Variants in LDLRAP1 observed in about 807,000 individuals in gnomAD.
LDLRAP1 encodes low density lipoprotein receptor adaptor protein 1.
A neutral mutation model predicts 37.8 loss-of-function variants in LDLRAP1; 30 were observed. The ratio of observed to expected loss-of-function variants is 0.79; its 90% CI spans 0.59 to 1.08. The LOEUF is 1.08. LDLRAP1 is among the 50% of genes least tolerant of loss of function. LDLRAP1 has a pLI of 0.00. For missense variants in LDLRAP1, 375 were observed against 401.6 expected, an observed-to-expected ratio of 0.93 and a Z score of 0.57; for synonymous variants, 156 against 169.8, an observed-to-expected ratio of 0.92 and a Z score of 0.63.
rs193283086 is a variant in LDLRAP1 at position 25,558,118 on chromosome 1, A to C, written c.459+851A>C. Among the ~76,000 whole-genome samples, 3 of 152,190 alleles carry C rather than the reference A, an allele frequency of 2.0e-5. No individual in the cohort carries two copies. In the East Asian group the frequency reaches 5.8e-4, roughly 29 times the overall value. On this transcript the variant is annotated intron_variant, in intron 4 of 8. Coordinates refer to ENST00000374338, the MANE Select transcript of LDLRAP1 (RefSeq NM_015627.3). ...TCCTGAATTTGGGGGCAAGAAGTGG[A>C]GTGGGTCAACCTTTGGCATTGCAGC...
chr1:25,556,174 A>G (rs1449651069), intron 3 of LDLRAP1, among the ~76,000 whole-genome samples: 1 of 152,006 alleles, frequency 6.6e-6, no homozygotes, highest in East Asian at 1.9e-4. Context: ...GGGTGAGTCT[A>G]TGGCGCTCCT....
At chr1:25,584,736 T>A in the LDLRAP1 span, among the ~76,000 whole-genome samples, 1 of 152,162 alleles carries the variant, frequency 6.6e-6, no homozygotes, top group African/African-American at 2.4e-5. Context: ...GGGCCAGTCT[T>A]GCCTTCTCGG....
chr1:25,554,609 T>C lies in LDLRAP1; in HGVS notation c.232-251T>C, dbSNP rs1174538465. On this transcript the variant is annotated intron_variant, in intron 2 of 8. Coordinates refer to ENST00000374338, the MANE Select transcript of LDLRAP1 (RefSeq NM_015627.3). The surrounding 1 kb of genome is among the most constrained non-coding windows in gnomAD (Gnocchi z 5.4). ...CCTTGGGTAAGTCCCTTAGCCTCTC[T>C]GAGTCCATCTCTGGGGAGAGGGAGG... Among the ~76,000 whole-genome samples, 1 of 152,244 alleles carries C rather than the reference T, an allele frequency of 6.6e-6. No individual in the cohort carries two copies. Among genetic ancestry groups the C allele is most frequent in the East Asian group, 1.9e-4 (1 of 5,194 alleles).
At chr1:25,553,390 G>C (rs1325984078) in intron 1 of LDLRAP1, 1 of 157,220 alleles carries the variant, frequency 6.4e-6, no homozygotes, top group Non-Finnish European at 1.4e-5. Context: ...CTGGCTCTCT[G>C]GACTTGGTTA....
At position 25,565,159 on chromosome 1, in the gene LDLRAP1, T is replaced by A; in HGVS notation, c.748-14T>A. The A allele has an allele frequency of 6.2e-7, 1 of 1,614,016 alleles. No homozygotes were observed. Among genetic ancestry groups the A allele is most frequent in the African/African-American group, 1.3e-5 (1 of 75,062 alleles). ...CCAAACATAGTTCTTATCTCCTGCTTTGTTTTCCCCAAGGAGCTGGATGAT... is the reference window on the plus strand; with the variant it reads ...CCAAACATAGTTCTTATCTCCTGCTATGTTTTCCCCAAGGAGCTGGATGAT... On this transcript the variant is annotated splice_polypyrimidine_tract_variant and intron_variant, in intron 7 of 8. Coordinates refer to ENST00000374338, the MANE Select transcript of LDLRAP1 (RefSeq NM_015627.3).
In LDLRAP1 at chr1:25,567,230, C is replaced by T. The variant is rs114902249; in HGVS notation, c.*238C>T. Reference sequence around the variant, plus strand: ...TATTCAGTGACTTCTGGCTTATGCTCAGAAGCCAGTCTGCGTCAGGCACGT... The same window carrying T: ...TATTCAGTGACTTCTGGCTTATGCTTAGAAGCCAGTCTGCGTCAGGCACGT... On this transcript the variant is annotated 3_prime_UTR_variant, in exon 9 of 9. Transcript: ENST00000374338. The T allele has an allele frequency of 8.1e-4, 474 of 582,248 alleles. 3 individuals are homozygous for T. The highest frequency in any genetic ancestry group is 6.9e-3 in the African/African-American group (369 of 53,806). 36.1% of individuals were successfully genotyped at this position (582,248 alleles called of 1,614,324 possible). A position where few individuals can be genotyped will look rare whatever the true frequency, so the allele number is the denominator to read the frequency against.
the LDLRAP1 span, among the ~76,000 whole-genome samples, chr1:25,574,373 G>A: frequency 3.3e-5 from 5 of 152,230 alleles, no homozygotes; most frequent in African/African-American, 1.2e-4. Flanking sequence ...CTAGGATACT[G>A]AGGCTGTCAT....
chr1:25,547,618 TG>T (rs1324604193), intron 1 of LDLRAP1, among the ~76,000 whole-genome samples: 1 of 152,060 alleles, frequency 6.6e-6, no homozygotes, highest in Non-Finnish European at 1.5e-5. Flanking sequence ...GCCGTTCCAC[TG>T]GAGGGGCAGT....
Position 25,557,151 on chromosome 1 carries a change from A to G in LDLRAP1, c.345-2A>G. ...TGGTGATGCTTCCTCCTTGCCTTTCAGGATCTCCTATTGCACAGCAGACAA... is the reference window on the plus strand; with the variant it reads ...TGGTGATGCTTCCTCCTTGCCTTTCGGGATCTCCTATTGCACAGCAGACAA... On this transcript the variant is annotated splice_acceptor_variant, in intron 3 of 8. Coordinates refer to ENST00000374338, the MANE Select transcript of LDLRAP1 (RefSeq NM_015627.3). LOFTEE classifies it high-confidence loss of function. 1 of 1,612,144 alleles carries G rather than the reference A, an allele frequency of 6.2e-7. No homozygotes were observed. The highest frequency in any genetic ancestry group is 8.5e-7 in the Non-Finnish European group (1 of 1,178,154).
the LDLRAP1 span, among the ~76,000 whole-genome samples, chr1:25,585,301 G>A: frequency 4.6e-5 from 7 of 152,158 alleles, no homozygotes; most frequent in Admixed American, 4.6e-4. Context: ...AGGTGTGTGG[G>A]GAAGCCGGGT....
chr1:25,571,168 C>G (rs1279324603), downstream of LDLRAP1, among the ~76,000 whole-genome samples: 1 of 152,242 alleles, frequency 6.6e-6, no homozygotes, highest in South Asian at 2.1e-4. Flanking sequence ...GCCAGCAGCC[C>G]CAGCTACCAC....
the LDLRAP1 span, among the ~76,000 whole-genome samples, chr1:25,586,658 AG>A: frequency 6.6e-6 from 1 of 151,992 alleles, no homozygotes; most frequent in African/African-American, 2.4e-5. The surrounding 1 kb of genome is among the most constrained non-coding windows in gnomAD (Gnocchi z 4.3). Flanking sequence ...GCACTGCAGC[AG>A]GGGTGGGGGC....
At chr1:25,575,874 A>T in the LDLRAP1 span, among the ~76,000 whole-genome samples, 1 of 152,196 alleles carries the variant, frequency 6.6e-6, no homozygotes, top group Non-Finnish European at 1.5e-5. Flanking sequence ...TGACTTGCCC[A>T]TGGTCACTCA....
chr1:25,586,510 A>G, the LDLRAP1 span, among the ~76,000 whole-genome samples: 4 of 151,290 alleles, frequency 2.6e-5, no homozygotes, highest in African/African-American at 7.3e-5. The surrounding 1 kb of genome is among the most constrained non-coding windows in gnomAD (Gnocchi z 4.3). Flanking sequence ...GTGCATGCAC[A>G]TGTGTGTGTG....
intron 1 of LDLRAP1, among the ~76,000 whole-genome samples, chr1:25,552,385 A>G (rs1265693796): frequency 6.6e-6 from 1 of 152,190 alleles, no homozygotes; most frequent in Non-Finnish European, 1.5e-5. Flanking sequence ...AGGGCCCAGG[A>G]CATCTCCCAG....
chr1:25,570,631 A>C (rs1368036328), downstream of LDLRAP1, among the ~76,000 whole-genome samples: 1 of 152,076 alleles, frequency 6.6e-6, no homozygotes, highest in South Asian at 2.1e-4. Context: ...AGGCCGAGGC[A>C]GGCGGATCAC....
At chr1:25,556,420 G>C (rs2044201587) in intron 3 of LDLRAP1, among the ~76,000 whole-genome samples, 1 of 152,156 alleles carries the variant, frequency 6.6e-6, no homozygotes, top group Non-Finnish European at 1.5e-5. Context: ...GGGCCCACTG[G>C]GGCTCCTTGT....
chr1:25,550,350 C>T (rs892702049), intron 1 of LDLRAP1, among the ~76,000 whole-genome samples: 1 of 152,188 alleles, frequency 6.6e-6, no homozygotes, highest in Non-Finnish European at 1.5e-5. Context: ...GAGCTGATAT[C>T]TTAGGATTAA....
In LDLRAP1 at chr1:25,554,824, G is replaced by C; in HGVS notation, c.232-36G>C. The C allele has an allele frequency of 6.5e-7, 1 of 1,550,250 alleles. No homozygotes were observed. The highest frequency in any genetic ancestry group is 8.9e-7 in the Non-Finnish European group (1 of 1,125,030). On this transcript the variant is annotated intron_variant, in intron 2 of 8. Coordinates refer to ENST00000374338, the MANE Select transcript of LDLRAP1 (RefSeq NM_015627.3). The surrounding 1 kb of genome is among the most constrained non-coding windows in gnomAD (Gnocchi z 5.4). ...GCCATGAGGGTGGGTCTCAAGTGAGGCTGGCAGACTCCTCTGACTCCTGTC... is the reference window on the plus strand; with the variant it reads ...GCCATGAGGGTGGGTCTCAAGTGAGCCTGGCAGACTCCTCTGACTCCTGTC...
Sources: gnomAD v4.1 joint callset for allele counts (sites outside exome capture counted in the v4.1 genomes callset) on GRCh38, gnomAD v4.1.1 for gene constraint, Gnocchi (gnomAD v3.1) non-coding constraint, MANE v1.5 for transcripts, NCBI Gene and HGNC (gene_info 2026-07-23, HGNC 2026-07-21) for gene names.